KNL1: variants seen among roughly 807,000 people sequenced by gnomAD.
KNL1 encodes the protein kinetochore scaffold 1, also known as outer kinetochore KNL1 complex subunit KNL1.
KNL1 carries 66 observed loss-of-function variants against 201.3 expected under a neutral mutation model. The observed-to-expected ratio is 0.33, with a 90% CI of 0.27 to 0.40. KNL1 has a LOEUF of 0.40. Ranked by LOEUF, KNL1 falls within the 10% of genes least tolerant of loss-of-function variation. The pLI is 1.00. For synonymous variants in KNL1, 895 were observed against 899.2 expected (o/e 1.00, Z 0.08); for missense variants, 2,815 against 2,690.5 (o/e 1.05, Z -1.02).
chr15:40,597,244 A>G (rs1000977492), intron 1 of KNL1, among the ~76,000 whole-genome samples: 2 of 152,006 alleles, frequency 1.3e-5, no homozygotes, highest in Admixed American at 1.3e-4. Flanking sequence ...TGGAATCAGT[A>G]ACTTTTTTGT....
At chr15:40,659,263 CAA>C (rs879185238) in intron 24 of KNL1, 74 bp from the exon 25 acceptor site, 15,950 of 1,006,278 alleles carry the variant, frequency 0.016, no homozygotes, top group East Asian at 0.021. Flanking sequence ...GACTCCGTCT[CAA>C]AAAAAAAAAA....
chr15:40,636,302 C>T (rs1483215742), intron 13 of KNL1, among the ~76,000 whole-genome samples: 1 of 152,218 alleles, frequency 6.6e-6, no homozygotes, highest in Non-Finnish European at 1.5e-5. Flanking sequence ...CTGCATACAG[C>T]ATAGGCAACT....
chr15:40,660,774 G>C (rs1893886324), intron 25 of KNL1, among the ~76,000 whole-genome samples: 1 of 151,360 alleles, frequency 6.6e-6, no homozygotes. Context: ...TATGAGAATA[G>C]CCTGGCCAAC....
At chr15:40,647,261 G>A (rs1193692431) in intron 17 of KNL1, among the ~76,000 whole-genome samples, 187 bp downstream of exon 17, 1 of 152,038 alleles carries the variant, frequency 6.6e-6, no homozygotes, top group Non-Finnish European at 1.5e-5. Flanking sequence ...GATCACCTGA[G>A]GTCAGGAGTT....
At chr15:40,652,630 G>T (rs1259965739) in intron 21 of KNL1, among the ~76,000 whole-genome samples, 1 of 151,664 alleles carries the variant, frequency 6.6e-6, no homozygotes, top group East Asian at 1.9e-4. Flanking sequence ...AATGAGCTGG[G>T]CATGCACCTG....
chr15:40,599,092 A>G (rs1377998786), intron 1 of KNL1, among the ~76,000 whole-genome samples: 1 of 151,868 alleles, frequency 6.6e-6, no homozygotes, highest in African/African-American at 2.4e-5. Context: ...GGCATGAGCC[A>G]CCATGCCTGG....
At chr15:40,641,302 G>A (rs773437964) in intron 14 of KNL1, among the ~76,000 whole-genome samples, 1 of 152,098 alleles carries the variant, frequency 6.6e-6, no homozygotes, top group Non-Finnish European at 1.5e-5. Context: ...CAATAGATAT[G>A]AACAATAGAA....
chr15:40,652,403 T>G (rs979671503), intron 21 of KNL1, among the ~76,000 whole-genome samples: 17 of 151,912 alleles, frequency 1.1e-4, no homozygotes, highest in African/African-American at 4.1e-4. Context: ...TTTCTTTTCA[T>G]CTCCATCTTT....
chr15:40,656,678 G>A (rs1257554146), intron 22 of KNL1, among the ~76,000 whole-genome samples: 2 of 152,098 alleles, frequency 1.3e-5, no homozygotes, highest in African/African-American at 4.8e-5. Flanking sequence ...CTGACATCAG[G>A]AGTTCAAGAG....
rs375696137 is a variant in KNL1 at position 40,624,485 on chromosome 15, T to C, written c.4221T>C (p.Ser1407=). The part of the protein sequence containing the change: ...NLLANQTLVY[S]QDLGEMTKLN... ...TGGCTAATCAAACTTTAGTATATAGTCAAGATCTGGGGGAGATGACTAAAC... is the reference window on the plus strand; with the variant it reads ...TGGCTAATCAAACTTTAGTATATAGCCAAGATCTGGGGGAGATGACTAAAC... Residue 1407 remains serine, a synonymous_variant, in exon 10 of 26, where the codon AGT becomes AGC. Transcript: ENST00000399668. The C allele has an allele frequency of 3.1e-6, 5 of 1,613,704 alleles. No homozygotes were observed. The African/African-American group carries it at 6.7e-5, about 22-fold the overall frequency.
At chr15:40,646,692 C>A in intron 16 of KNL1, 1 of 186,148 alleles carries the variant, frequency 5.4e-6, no homozygotes, top group Non-Finnish European at 1.1e-5. Context: ...CCCATCTCTA[C>A]TAAAAATACA....
chr15:40,656,056 G>A (rs1319569220), intron 22 of KNL1, among the ~76,000 whole-genome samples: 10 of 152,144 alleles, frequency 6.6e-5, no homozygotes, highest in East Asian at 1.9e-4. Flanking sequence ...AAGTCCATGC[G>A]ATTTGTTCCC....
intron 10 of KNL1, among the ~76,000 whole-genome samples, chr15:40,626,277 C>T (rs145861498): frequency 4.6e-5 from 7 of 151,444 alleles, no homozygotes; most frequent in South Asian, 2.1e-4. Context: ...CTCAGCCTTC[C>T]GAGTAGCTAG....
At chr15:40,601,536 A>C (rs916841895) in intron 1 of KNL1, among the ~76,000 whole-genome samples, 2 of 152,112 alleles carry the variant, frequency 1.3e-5, no homozygotes, top group African/African-American at 4.8e-5. Context: ...TAGTGGTTTA[A>C]ATTTATTAAA....
Position 40,621,535 on chromosome 15 carries a change from G to A in KNL1, c.1271G>A (p.Gly424Asp). ...ESIYSNPSIQ[G>D]CKTVFYSSCN... ...ATATATTCTAATCCATCTATTCAAG[G>A]TTGTAAGACTGTTTTCTATTCTAGT... Residue 424 changes from glycine (G) to aspartate (D), a missense_variant, in exon 10 of 26, where the codon GGT (glycine) becomes GAT (aspartate). Physicochemically the swap from Gly to Asp is moderately conservative, Grantham distance 94 (BLOSUM62 -1). This residue lies in a region of KNL1 where 2,464 missense variants were observed against 2,291.7 expected (regional missense o/e 1.08). Coordinates refer to ENST00000399668, the MANE Select transcript of KNL1 (RefSeq NM_144508.5). The A allele has an allele frequency of 6.2e-7, 1 of 1,612,226 alleles. No homozygotes were observed. The highest frequency in any genetic ancestry group is 8.5e-7 in the Non-Finnish European group (1 of 1,179,214).
Position 40,622,225 on chromosome 15 carries a change from A to G in KNL1, c.1961A>G (p.Lys654Arg). The change falls in exon 10 of 26, where the codon AAA becomes AGA. Residue 654 changes from lysine (K) to arginine (R), a missense_variant. This residue lies in a region of KNL1 where 2,464 missense variants were observed against 2,291.7 expected (regional missense o/e 1.08). Transcript: ENST00000399668. ...TTGAAGATTTTGCCCTACCTTGATA[A>G]AGATTCTCCTCAGTCAGCTGATTGT... ...WVLKILPYLD[K>R]DSPQSADCNQ... The G allele has an allele frequency of 6.2e-7, 1 of 1,614,096 alleles. No individual in the cohort carries two copies. The highest frequency in any genetic ancestry group is 8.5e-7 in the Non-Finnish European group (1 of 1,179,964).
At position 40,623,246 on chromosome 15, in the gene KNL1, G is replaced by T. The variant is rs1401224956; in HGVS notation, c.2982G>T (p.Glu994Asp). The change falls in exon 10 of 26, where the codon GAG becomes GAT. Residue 994 changes from glutamate (E) to aspartate (D), a missense_variant. Around this residue, in one of 3 missense-constraint regions of KNL1, gnomAD observed 2,464 missense variants for 2,291.7 expected, o/e 1.08. Transcript: ENST00000399668. The part of the protein sequence containing the change: ...GTPTVICTPT[E>D]ESVFFPGNGE... ...CAACAGTGATATGTACTCCTACTGAGGAGAGTGTTTTCTTTCCAGGAAATG... is the reference window on the plus strand; with the variant it reads ...CAACAGTGATATGTACTCCTACTGATGAGAGTGTTTTCTTTCCAGGAAATG... The T allele has an allele frequency of 3.1e-6, 5 of 1,613,914 alleles. No homozygotes were observed. The highest frequency in any genetic ancestry group is 3.4e-6 in the Non-Finnish European group (4 of 1,179,880).
At chr15:40,595,763 G>T (rs1437991544) in intron 1 of KNL1, among the ~76,000 whole-genome samples, 1 of 152,080 alleles carries the variant, frequency 6.6e-6, no homozygotes, top group Non-Finnish European at 1.5e-5. Flanking sequence ...CCAAAGAACT[G>T]ATTATTAAAT....
At chr15:40,619,099 G>C in intron 9 of KNL1, 88 bp downstream of exon 9, 1 of 917,732 alleles carries the variant, frequency 1.1e-6, no homozygotes, top group Middle Eastern at 2.3e-4. Context: ...GCATAGTTTA[G>C]GGATGACTTA....
Sources: gnomAD v4.1 joint callset for allele counts (sites outside exome capture counted in the v4.1 genomes callset) on GRCh38, gnomAD v4.1.1 for gene constraint, gnomAD v4.1.1 regional missense constraint, MANE v1.5 for transcripts, NCBI Gene and HGNC (gene_info 2026-07-23, HGNC 2026-07-21) for gene names.